PLEKHJ1: variants seen among roughly 807,000 people sequenced by gnomAD.
The protein encoded by PLEKHJ1 is pleckstrin homology domain-containing family J member 1.
In PLEKHJ1, 20 loss-of-function variants were observed where a neutral mutation model predicts 21.7. The observed-to-expected ratio is 0.92, with a 90% CI of 0.65 to 1.34. The LOEUF is 1.34. Ranked by LOEUF, PLEKHJ1 falls within the 40% of genes most tolerant of loss-of-function variation. The pLI, the probability that PLEKHJ1 is intolerant of heterozygous loss-of-function variation, is 0.00. For missense variants in PLEKHJ1, 241 were observed against 202.0 expected (o/e 1.19, Z -1.17); for synonymous variants, 113 against 80.6 (o/e 1.40, Z -2.15).
downstream of PLEKHJ1, chr19:2,230,379 C>T (rs978411715): frequency 4.9e-6 from 2 of 407,608 alleles, no homozygotes; most frequent in African/African-American, 4.1e-5. Flanking sequence ...AGCTCTTCAC[C>T]TTTACCCCGG....
At position 2,233,923 on chromosome 19, in the gene PLEKHJ1, G is replaced by C; in HGVS notation, c.385-18C>G. ...AGGGGGTCCTGTGGGGAGGACGGGT[G>C]GCCATGAGCCAGGGCTGGAGGACTG... On this transcript the variant is annotated intron_variant, in intron 5 of 5. Coordinates refer to ENST00000326631, the MANE Select transcript of PLEKHJ1 (RefSeq NM_018049.3). The C allele has an allele frequency of 6.2e-7, 1 of 1,612,650 alleles. No individual in the cohort carries two copies. Among genetic ancestry groups the C allele is most frequent in the Non-Finnish European group, 8.5e-7 (1 of 1,179,760 alleles).
Position 2,235,961 on chromosome 19 carries a change from C to CCACCAGCTT in PLEKHJ1, c.115_123dup (p.Lys39_Val41dup). On this transcript the variant is annotated inframe_insertion, in exon 2 of 6. Transcript: ENST00000326631. Reference sequence around the variant, plus strand: ...GTCCGAAAGTAGAAGAGGAAATTCACCACCAGCTTCACCAGCCGCCGCTTC... The same window carrying CCACCAGCTT: ...GTCCGAAAGTAGAAGAGGAAATTCACCACCAGCTTCACCAGCTTCACCAGCCGCCGCTTC... 1 of 1,610,346 alleles carries CCACCAGCTT rather than the reference C, an allele frequency of 6.2e-7. No homozygotes were observed. The highest frequency in any genetic ancestry group is 1.1e-5 in the South Asian group (1 of 90,960).
intron 3 of PLEKHJ1, 150 bp from the exon 4 acceptor site, chr19:2,234,390 A>C (rs2024723969): frequency 3.3e-6 from 2 of 606,910 alleles, no homozygotes; most frequent in Admixed American, 2.9e-5. Flanking sequence ...CTGTATATAA[A>C]CAGGGTCTTT....
chr19:2,234,005 G>C lies in PLEKHJ1; in HGVS notation c.377C>G (p.Thr126Arg), dbSNP rs146362675. The C allele has an allele frequency of 6.2e-7, 1 of 1,613,134 alleles. No homozygotes were observed. The highest frequency in any genetic ancestry group is 2.2e-5 in the East Asian group (1 of 44,878). The stretch of plus-strand genomic sequence containing the variant: ...CTGCAGCCCTGCACACACCTTGCCC[G>C]TCACCTTCCGGATTTCGTTCCTGTA... ...IFYRNEIRKV[T>R]GKDPLEQFGI... is the part of the protein sequence containing the mutation. The change falls in exon 5 of 6, where the codon ACG becomes AGG. Residue 126 changes from threonine (T) to arginine (R), a missense_variant. Thr to Arg is a moderately conservative substitution (Grantham distance 71). Transcript: ENST00000326631.
At chr19:2,235,575 G>GA (rs1358264698) in intron 3 of PLEKHJ1, 187 bp downstream of exon 3, 4 of 597,178 alleles carry the variant, frequency 6.7e-6, no homozygotes, top group Non-Finnish European at 1.2e-5. Context: ...CGGCAGGTGG[G>GA]AAGGGTGGTG....
In PLEKHJ1 at chr19:2,235,990, A is replaced by C. The variant is rs1468386940; in HGVS notation, c.95T>G (p.Val32Gly). Residue 32 changes from valine (V) to glycine (G), a missense_variant and splice_region_variant, in exon 2 of 6, where the codon GTG (valine) becomes GGG (glycine). Transcript: ENST00000326631. ...CAGCTTCACCAGCCGCCGCTTCAGC[A>C]CTGCGGGCACAGCGCGCACTCAGGG... ...LGMRGPKKGS[V>G]LKRRLVKLVV... The C allele has an allele frequency of 6.2e-7, 1 of 1,607,532 alleles. No homozygotes were observed. Among genetic ancestry groups the C allele is most frequent in the African/African-American group, 1.4e-5 (1 of 74,068 alleles).
intron 3 of PLEKHJ1, chr19:2,234,462 G>A: frequency 1.9e-6 from 1 of 519,590 alleles, no homozygotes; most frequent in Non-Finnish European, 3.4e-6. Flanking sequence ...TATAATCCCA[G>A]CGCTTTGAGA....
In PLEKHJ1 at chr19:2,236,275, C is replaced by A. The variant is rs1371567950; in HGVS notation, c.-27G>T. On this transcript the variant is annotated 5_prime_UTR_variant, in exon 1 of 6. Coordinates refer to ENST00000326631, the MANE Select transcript of PLEKHJ1 (RefSeq NM_018049.3). Reference sequence around the variant, plus strand: ...GCTCCGCGGGGAACGGGAACCCGGGCCGCGCCCTCCCGGCCGCCGTCCCCG... The same window carrying A: ...GCTCCGCGGGGAACGGGAACCCGGGACGCGCCCTCCCGGCCGCCGTCCCCG... 1.5e-6 allele frequency: 2 copies of A among 1,316,386 alleles called. No individual in the cohort carries two copies. Among genetic ancestry groups the A allele is most frequent in the South Asian group, 1.9e-5 (1 of 53,326 alleles). 81.5% of individuals were successfully genotyped at this position (1,316,386 alleles called of 1,614,324 possible).
chr19:2,236,250 G>A lies in PLEKHJ1; in HGVS notation c.-2C>T, dbSNP rs2024810530. 5.7e-6 allele frequency: 8 copies of A among 1,391,852 alleles called. No homozygotes were observed. The highest frequency in any genetic ancestry group is 7.4e-6 in the Non-Finnish European group (8 of 1,074,218). 86.2% of individuals were successfully genotyped at this position (1,391,852 alleles called of 1,614,324 possible). The stretch of plus-strand genomic sequence containing the variant: ...CAGCTCCTTCTCGTTGTACCGCATG[G>A]CTCCGCGGGGAACGGGAACCCGGGC... On this transcript the variant is annotated 5_prime_UTR_variant, in exon 1 of 6. Transcript: ENST00000326631.
downstream of PLEKHJ1, chr19:2,230,419 C>T (rs559199402): frequency 4.5e-5 from 18 of 400,234 alleles, no homozygotes; most frequent in South Asian, 1.3e-4. Flanking sequence ...GTTCACCCTC[C>T]GGGGCGTGGG....
At chr19:2,235,635 T>G in intron 3 of PLEKHJ1, 127 bp downstream of exon 3, 3 of 752,842 alleles carry the variant, frequency 4.0e-6, no homozygotes, top group Non-Finnish European at 6.4e-6. Context: ...TGCACTCTTG[T>G]GTTTGAGGAG....
rs1219135865 is a variant in PLEKHJ1, at chr19:2,235,908, C to A, written c.162+15G>T. 1 of 1,607,614 alleles carries A rather than the reference C, an allele frequency of 6.2e-7. No homozygotes were observed. The highest frequency in any genetic ancestry group is 1.7e-4 in the Middle Eastern group (1 of 6,044). Reference sequence around the variant, plus strand: ...CCCAGCCTGGGACCCGCCCGCGCGCCCGGGACGCCCCTACCTCGGCCTCGT... The same window carrying A: ...CCCAGCCTGGGACCCGCCCGCGCGCACGGGACGCCCCTACCTCGGCCTCGT... On this transcript the variant is annotated intron_variant, in intron 2 of 5. Coordinates refer to ENST00000326631, the MANE Select transcript of PLEKHJ1 (RefSeq NM_018049.3).
downstream of PLEKHJ1, chr19:2,230,849 C>T (rs908711943): frequency 4.0e-5 from 14 of 352,466 alleles, no homozygotes; most frequent in Non-Finnish European, 6.6e-5. Context: ...ACAGAGCTGC[C>T]GGCGCCCCTG....
intron 1 of PLEKHJ1, 31 bp from the exon 2 acceptor site, chr19:2,236,021 G>A (rs762398882): frequency 1.3e-6 from 2 of 1,584,168 alleles, no homozygotes; most frequent in East Asian, 4.8e-5. Context: ...CAGGGGCGCA[G>A]GCAGCCCCCG....
In PLEKHJ1 at chr19:2,233,436, G is replaced by A. The variant is rs945572799; in HGVS notation, c.*404C>T. The A allele has an allele frequency of 2.9e-5, 7 of 239,658 alleles. No homozygotes were observed. The Admixed American group carries it at 3.8e-4, about 13-fold the overall frequency. 14.8% of individuals were successfully genotyped at this position (239,658 alleles called of 1,614,324 possible). A position where few individuals can be genotyped will look rare whatever the true frequency, so the allele number is the denominator to read the frequency against. On this transcript the variant is annotated 3_prime_UTR_variant, in exon 6 of 6. Coordinates refer to ENST00000326631, the MANE Select transcript of PLEKHJ1 (RefSeq NM_018049.3). ...CATATCCTGGCGGCAGCAGCACGTG[G>A]CACCAGGTGCCAGGCCAGTTAGGTG...
At chr19:2,234,362 G>A (rs977546396) in intron 3 of PLEKHJ1, 122 bp from the exon 4 acceptor site, 67 of 685,158 alleles carry the variant, frequency 9.8e-5, no homozygotes, top group Middle Eastern at 7.4e-4. Flanking sequence ...TGACCCCCCA[G>A]AACCCATGAG....
chr19:2,230,144 G>C, downstream of PLEKHJ1: 1 of 511,536 alleles, frequency 2.0e-6, no homozygotes, highest in South Asian at 3.1e-5. Flanking sequence ...CAGCGGATTC[G>C]CCACAGCCTG....
rs1254297940 is a variant in PLEKHJ1, at chr19:2,233,845, C to A, written c.445G>T (p.Ala149Ser). 1.9e-6 allele frequency: 3 copies of A among 1,608,776 alleles called. No individual in the cohort carries two copies. Among genetic ancestry groups the A allele is most frequent in the Non-Finnish European group, 2.5e-6 (3 of 1,178,966 alleles). Residue 149 changes from alanine (A) to serine (S), a missense_variant, in exon 6 of 6, where the codon GCG becomes TCG. By Grantham distance (99) the Ala-to-Ser change is moderately conservative. Transcript: ENST00000326631. Reference protein sequence around the residue: ...EARFQLSGLQA With the variant: ...EARFQLSGLQS ...CTGACCACCGTGCCCTGCGCTCACG[C>A]CTGCAAGCCACTCAGCTGGAACCTG...
At position 2,233,677 on chromosome 19, in the gene PLEKHJ1, C is replaced by G. The variant is rs1386347243; in HGVS notation, c.*163G>C. ...TCACTTGAGTCCAGAAGGTCAAGGT[C>G]ACAGTGAGCTGTGGCACCACTGCAC... On this transcript the variant is annotated 3_prime_UTR_variant, in exon 6 of 6. Transcript: ENST00000326631. 1 of 632,180 alleles carries G rather than the reference C, an allele frequency of 1.6e-6. No homozygotes were observed. Among genetic ancestry groups the G allele is most frequent in the African/African-American group, 1.8e-5 (1 of 54,796 alleles). 39.2% of individuals were successfully genotyped at this position (632,180 alleles called of 1,614,324 possible).
Sources: allele counts gnomAD v4.1 joint callset, GRCh38; gene constraint gnomAD v4.1.1; transcripts MANE v1.5; gene names NCBI Gene and HGNC (gene_info 2026-07-23, HGNC 2026-07-21).